Variants in RBM33 observed in about 807,000 individuals in gnomAD.
RBM33 encodes RNA-binding protein 33.
A neutral mutation model predicts 132.6 loss-of-function variants in RBM33; 28 were observed. That is an observed-to-expected ratio of 0.21 (90% CI 0.16 to 0.29). The LOEUF is 0.29. Ranked by LOEUF, RBM33 falls within the 10% of genes least tolerant of loss-of-function variation. The probability of loss-of-function intolerance (pLI) is 1.00; values close to 1 mark genes in which losing one functional copy is unlikely to be tolerated. For missense variants in RBM33, 1,291 were observed against 1,518.5 expected (o/e 0.85, Z 2.49); for synonymous variants, 634 against 593.0 (o/e 1.07, Z -1.01).
At chr7:155,657,311 T>C (rs936776370) in intron 1 of RBM33, among the ~76,000 whole-genome samples, 1 of 152,134 alleles carries the variant, frequency 6.6e-6, no homozygotes, top group Non-Finnish European at 1.5e-5. Flanking sequence ...CAGTGTGAGA[T>C]GAACACAGGG....
In RBM33 at chr7:155,680,654, GACA is replaced by G; in HGVS notation, c.317_319del (p.Asn106del). ...CATGGTTACATCATTTGAACTCTCT[GACA>G]ACACTAACGACCAATCTGGAGAACA... is the stretch of plus-strand genomic sequence containing the variant. On this transcript the variant is annotated inframe_deletion, in exon 5 of 18. Coordinates refer to ENST00000401878, the MANE Select transcript of RBM33 (RefSeq NM_053043.3). 1 of 1,609,590 alleles carries G rather than the reference GACA, an allele frequency of 6.2e-7. No individual in the cohort carries two copies. Among genetic ancestry groups the G allele is most frequent in the Non-Finnish European group, 8.5e-7 (1 of 1,178,124 alleles).
At chr7:155,763,628 C>G (rs575078839) in intron 14 of RBM33, among the ~76,000 whole-genome samples, 184 bp from the exon 15 acceptor site, 1 of 152,282 alleles carries the variant, frequency 6.6e-6, no homozygotes, top group East Asian at 1.9e-4. Flanking sequence ...TTGTTAGAAC[C>G]TGACCACTCT....
chr7:155,775,181 C>A lies in RBM33; in HGVS notation c.*140C>A. On this transcript the variant is annotated 3_prime_UTR_variant, in exon 18 of 18. Transcript: ENST00000401878. The stretch of plus-strand genomic sequence containing the variant: ...GCGTAACTGTTCTCCAGAGCGCCAG[C>A]CAGCCACGGGCCTGATTCCAGAGGA... 2 of 779,464 alleles carry A rather than the reference C, an allele frequency of 2.6e-6. No homozygotes were observed. Among genetic ancestry groups the A allele is most frequent in the Non-Finnish European group, 2.3e-6 (1 of 441,552 alleles). The allele number at this position is 779,464 out of a possible 1,614,324, so 48.3% of individuals were successfully genotyped here. A position where few individuals can be genotyped will look rare whatever the true frequency, so the allele number is the denominator to read the frequency against.
At chr7:155,672,769 A>C in intron 2 of RBM33, 98 bp from the exon 3 acceptor site, 11 of 612,784 alleles carry the variant, frequency 1.8e-5, no homozygotes, top group East Asian at 6.8e-5. Context: ...AAAAAAAGGT[A>C]CCTGAGCTGT....
Position 155,678,584 on chromosome 7 carries a change from AATTAT to A in RBM33, c.172-20_172-16del. On this transcript the variant is annotated intron_variant, in intron 3 of 17. Coordinates refer to ENST00000401878, the MANE Select transcript of RBM33 (RefSeq NM_053043.3). ...TCTTTTTATGGAAGTGACACACATT[AATTAT>A]ATTTCTTATTTTAATTAGAATCAGT... 1 of 1,371,600 alleles carries A rather than the reference AATTAT, an allele frequency of 7.3e-7. No individual in the cohort carries two copies. The allele number at this position is 1,371,600 out of a possible 1,614,324, so 85.0% of individuals were successfully genotyped here.
intron 6 of RBM33, among the ~76,000 whole-genome samples, chr7:155,702,440 G>A (rs1488457647): frequency 1.3e-5 from 2 of 152,146 alleles, no homozygotes; most frequent in African/African-American, 4.8e-5. Context: ...ATGATATGAA[G>A]TTGCCAGTTG....
At chr7:155,765,874 G>A (rs1022721489) in intron 15 of RBM33, among the ~76,000 whole-genome samples, 5 of 152,176 alleles carry the variant, frequency 3.3e-5, no homozygotes, top group African/African-American at 7.2e-5. Context: ...ATTGTGTTTT[G>A]TTTCTTTTGA....
chr7:155,656,065 A>G (rs1322127973), intron 1 of RBM33, among the ~76,000 whole-genome samples: 1 of 152,204 alleles, frequency 6.6e-6, no homozygotes, highest in Non-Finnish European at 1.5e-5. Context: ...CTGTCACTTC[A>G]AGTAAAACAG....
intron 8 of RBM33, among the ~76,000 whole-genome samples, chr7:155,714,534 A>G (rs1242398730): frequency 2.0e-5 from 3 of 152,162 alleles, no homozygotes; most frequent in Non-Finnish European, 2.9e-5. Context: ...TGAGAGGGCC[A>G]GTGTGGTGCT....
intron 1 of RBM33, among the ~76,000 whole-genome samples, chr7:155,649,849 G>A (rs536881901): frequency 2.0e-5 from 3 of 152,144 alleles, no homozygotes; most frequent in Non-Finnish European, 4.4e-5. Flanking sequence ...TTACTTCATT[G>A]CTCATCCAGG....
intron 14 of RBM33, among the ~76,000 whole-genome samples, chr7:155,759,404 A>G (rs1251651496): frequency 6.8e-6 from 1 of 147,542 alleles, no homozygotes; most frequent in Non-Finnish European, 1.5e-5. Flanking sequence ...TATTGACTCA[A>G]TGTTTATGTT....
In RBM33 at chr7:155,745,343, T is replaced by G; in HGVS notation, c.2720T>G (p.Met907Arg). 1 of 1,613,248 alleles carries G rather than the reference T, an allele frequency of 6.2e-7. No homozygotes were observed. ...AACATGCAGTATCAAGGACAACAGA[T>G]GAAAGCACTGAAACATTTGAGACAG... The part of the protein sequence containing the change: ...SANMQYQGQQ[M>R]KALKHLRQTR... Residue 907 changes from methionine (M) to arginine (R), a missense_variant, in exon 14 of 18, where the codon ATG (methionine) becomes AGG (arginine). Physicochemically the swap from Met to Arg is moderately conservative, Grantham distance 91. This residue lies in a region of RBM33 where 841 missense variants were observed against 912.0 expected (regional missense o/e 0.92). Coordinates refer to ENST00000401878, the MANE Select transcript of RBM33 (RefSeq NM_053043.3). This position sits in a 1 kb window ranked among gnomAD's most constrained non-coding sequence, Gnocchi z 4.1.
intron 8 of RBM33, 135 bp from the exon 9 acceptor site, chr7:155,718,250 A>G (rs1412595187): frequency 3.5e-6 from 2 of 579,142 alleles, no homozygotes; most frequent in Admixed American, 3.0e-5. Context: ...CTAAATGCTT[A>G]GCTTAAGCGT....
intron 5 of RBM33, among the ~76,000 whole-genome samples, chr7:155,690,912 A>G (rs1799621205): frequency 6.6e-6 from 1 of 151,856 alleles, no homozygotes; most frequent in Non-Finnish European, 1.5e-5. Context: ...TTTTTCCTTC[A>G]TTTCAACTTT....
chr7:155,673,403 TGTGTGTG>T (rs1370570246), intron 3 of RBM33, among the ~76,000 whole-genome samples: 8 of 3,540 alleles, frequency 2.3e-3, no homozygotes, highest in Non-Finnish European at 2.7e-3. Context: ...TTATATATAT[TGTGTGTG>T]TGTGTGTGTG....
At chr7:155,771,779 T>A (rs1802434201) in intron 16 of RBM33, among the ~76,000 whole-genome samples, 1 of 152,186 alleles carries the variant, frequency 6.6e-6, no homozygotes, top group Admixed American at 6.6e-5. Context: ...TCACCCAGGC[T>A]GGAGTGCAGT....
chr7:155,657,761 A>G (rs1391219120), intron 1 of RBM33, among the ~76,000 whole-genome samples: 2 of 152,224 alleles, frequency 1.3e-5, no homozygotes, highest in Non-Finnish European at 2.9e-5. Flanking sequence ...AAAAAGTCAC[A>G]AGCTAAATTT....
At chr7:155,647,839 A>G (rs1798245077) in intron 1 of RBM33, among the ~76,000 whole-genome samples, 1 of 152,268 alleles carries the variant, frequency 6.6e-6, no homozygotes, top group Non-Finnish European at 1.5e-5. Flanking sequence ...GAGACTGAAA[A>G]CAAAAACATA....
intron 9 of RBM33, among the ~76,000 whole-genome samples, chr7:155,719,209 T>G (rs1687275944): frequency 6.6e-6 from 1 of 151,894 alleles, no homozygotes; most frequent in Non-Finnish European, 1.5e-5. Context: ...GGGGAAAAAA[T>G]GTACTGACCA....
Sources: gnomAD v4.1 joint callset for allele counts (sites outside exome capture counted in the v4.1 genomes callset) on GRCh38, gnomAD v4.1.1 for gene constraint, gnomAD v4.1.1 regional missense constraint, Gnocchi (gnomAD v3.1) non-coding constraint, MANE v1.5 for transcripts, NCBI Gene and HGNC (gene_info 2026-07-23, HGNC 2026-07-21) for gene names.